IQCM: variants seen among roughly 807,000 people sequenced by gnomAD.
IQCM encodes IQ motif containing M, also known as IQ domain-containing protein M.
In IQCM, 45 loss-of-function variants were observed where a neutral mutation model predicts 57.6. The ratio of observed to expected loss-of-function variants is 0.78; its 90% CI spans 0.62 to 1.00. IQCM has a LOEUF of 1.00. IQCM is among the 50% of genes least tolerant of loss of function. The pLI is 0.00. For missense variants in IQCM, 468 were observed against 511.6 expected (o/e 0.91, Z 0.82); for synonymous variants, 148 against 158.9 (o/e 0.93, Z 0.51).
intron 13 of IQCM, among the ~76,000 whole-genome samples, chr4:149,367,417 T>C (rs934195095): frequency 1.3e-5 from 2 of 151,958 alleles, no homozygotes; most frequent in African/African-American, 4.8e-5. Context: ...TATTCTTGTT[T>C]TACAGAAATT....
chr4:149,783,760 T>C (rs1771826395), intron 2 of IQCM, among the ~76,000 whole-genome samples: 1 of 152,156 alleles, frequency 6.6e-6, no homozygotes, highest in African/African-American at 2.4e-5. Flanking sequence ...GTGGGCTTGA[T>C]GCAGTTAGTG....
At chr4:149,458,383 T>C (rs1207434783) in intron 12 of IQCM, among the ~76,000 whole-genome samples, 1 of 152,058 alleles carries the variant, frequency 6.6e-6, no homozygotes, top group Non-Finnish European at 1.5e-5. Context: ...TAAGATTTAT[T>C]TTTTAAAAAG....
At chr4:149,779,793 T>C (rs1771434540) in intron 2 of IQCM, among the ~76,000 whole-genome samples, 1 of 152,186 alleles carries the variant, frequency 6.6e-6, no homozygotes, top group Admixed American at 6.5e-5. Context: ...TTGACAACTT[T>C]ATGCCAACTT....
intron 3 of IQCM, among the ~76,000 whole-genome samples, chr4:149,740,956 T>A (rs777258805): frequency 6.6e-6 from 1 of 152,132 alleles, no homozygotes. Context: ...TAAAGAGTTA[T>A]GGAGCTGGAA....
intron 12 of IQCM, among the ~76,000 whole-genome samples, chr4:149,484,016 T>C (rs977908906): frequency 2.0e-5 from 3 of 152,044 alleles, no homozygotes; most frequent in Middle Eastern, 3.2e-3. Context: ...TTTGTCATAA[T>C]GTAGTGACCT....
chr4:149,598,002 C>G (rs1753936226), intron 8 of IQCM, among the ~76,000 whole-genome samples: 2 of 151,952 alleles, frequency 1.3e-5, no homozygotes, highest in South Asian at 4.1e-4. Context: ...TTTTTTTACC[C>G]CCAGCAACAA....
chr4:149,574,182 T>G (rs1342752015), intron 9 of IQCM, among the ~76,000 whole-genome samples: 1 of 151,974 alleles, frequency 6.6e-6, no homozygotes, highest in Non-Finnish European at 1.5e-5. Flanking sequence ...CTAAGTGACC[T>G]CCTCTGAGTT....
intron 12 of IQCM, among the ~76,000 whole-genome samples, chr4:149,492,234 T>C (rs578191181): frequency 2.6e-5 from 4 of 152,092 alleles, no homozygotes; most frequent in Non-Finnish European, 5.9e-5. Context: ...AGCTCTTAAA[T>C]AGGTCTTTGA....
chr4:149,815,194 G>C (rs896074644), intron 2 of IQCM, 117 bp downstream of exon 2: 2 of 151,860 alleles, frequency 1.3e-5, no homozygotes, highest in Non-Finnish European at 2.9e-5. Flanking sequence ...GAAGCTACAT[G>C]GGGGGTATAG....
intron 7 of IQCM, among the ~76,000 whole-genome samples, chr4:149,668,718 A>T (rs974259569): frequency 2.0e-5 from 3 of 152,196 alleles, no homozygotes; most frequent in African/African-American, 7.2e-5. Context: ...TAAATAACAA[A>T]TATTAGGACT....
chr4:149,746,062 G>A (rs935727115), intron 2 of IQCM, among the ~76,000 whole-genome samples: 8 of 150,162 alleles, frequency 5.3e-5, no homozygotes, highest in Admixed American at 2.0e-4. Context: ...AAGCCTTATC[G>A]TAATTAGCAG....
intron 12 of IQCM, among the ~76,000 whole-genome samples, chr4:149,451,102 CAT>C (rs1737069511): frequency 6.6e-6 from 1 of 151,678 alleles, no homozygotes; most frequent in African/African-American, 2.4e-5. Flanking sequence ...GCAAAGATCA[CAT>C]GTTCTTACTT....
intron 13 of IQCM, among the ~76,000 whole-genome samples, chr4:149,356,172 A>T (rs1393914152): frequency 1.3e-5 from 2 of 152,000 alleles, no homozygotes; most frequent in African/African-American, 4.8e-5. Context: ...AAGTTGCAAA[A>T]ATTTTCTCCC....
At chr4:149,775,751 A>T (rs2149997980) in intron 2 of IQCM, among the ~76,000 whole-genome samples, 1 of 152,374 alleles carries the variant, frequency 6.6e-6, no homozygotes, top group East Asian at 1.9e-4. Context: ...ATCAGCCAAG[A>T]TAATGATGTT....
intron 13 of IQCM, among the ~76,000 whole-genome samples, chr4:149,375,801 A>C (rs538670125): frequency 6.6e-6 from 1 of 152,316 alleles, no homozygotes; most frequent in East Asian, 1.9e-4. Flanking sequence ...GGCTGCTTCA[A>C]GGTTATTTTG....
intron 9 of IQCM, among the ~76,000 whole-genome samples, chr4:149,564,497 T>A (rs1217397656): frequency 6.6e-6 from 1 of 152,166 alleles, no homozygotes; most frequent in Non-Finnish European, 1.5e-5. Context: ...ATCCTGAGTG[T>A]GTCTGTGAGG....
intron 2 of IQCM, among the ~76,000 whole-genome samples, chr4:149,747,160 A>G (rs1454700936): frequency 2.7e-5 from 4 of 149,052 alleles, no homozygotes; most frequent in East Asian, 2.0e-4. Context: ...GCACCAAACA[A>G]TAGGAATAAG....
At chr4:149,691,990 T>C (rs1762973968) in intron 5 of IQCM, among the ~76,000 whole-genome samples, 1 of 152,210 alleles carries the variant, frequency 6.6e-6, no homozygotes, top group East Asian at 1.9e-4. Context: ...TATGGAAGAA[T>C]GTACACTACA....
At chr4:149,791,228 T>C (rs2150029764) in intron 2 of IQCM, among the ~76,000 whole-genome samples, 3 of 152,230 alleles carry the variant, frequency 2.0e-5, no homozygotes, top group Admixed American at 2.0e-4. Context: ...TTTATTACTG[T>C]CTTTTATTGA....
Sources: gnomAD v4.1 joint callset for allele counts (sites outside exome capture counted in the v4.1 genomes callset) on GRCh38, gnomAD v4.1.1 for gene constraint, MANE v1.5 for transcripts, NCBI Gene and HGNC (gene_info 2026-07-23, HGNC 2026-07-21) for gene names.